The following NAA25 variants were observed in gnomAD, a reference collection of about 807,000 sequenced individuals.
NAA25 encodes the protein N-alpha-acetyltransferase 25, NatB auxiliary subunit.
In NAA25, 30 loss-of-function variants were observed where a neutral mutation model predicts 132.5. That is an observed-to-expected ratio of 0.23 (90% CI 0.17 to 0.31). The LOEUF (loss-of-function observed/expected upper bound fraction) is 0.31, where lower values mean the gene tolerates loss of function less well. NAA25 is among the 10% of genes least tolerant of loss of function. The pLI, the probability that NAA25 is intolerant of heterozygous loss-of-function variation, is 1.00. For synonymous variants in NAA25, 359 were observed against 401.9 expected (o/e 0.89, Z 1.28); for missense variants, 771 against 1,150.4 (o/e 0.67, Z 4.77).
At chr12:112,043,928 ATTTT>A (rs372332897) in intron 17 of NAA25, 60 bp from the exon 18 acceptor site, 123 of 1,309,402 alleles carry the variant, frequency 9.4e-5, no homozygotes, top group Middle Eastern at 2.3e-4. Flanking sequence ...ATTGCTTTCA[ATTTT>A]TTTTTTTTTT....
intron 1 of NAA25, among the ~76,000 whole-genome samples, chr12:112,105,252 G>C (rs915671248): frequency 2.0e-5 from 3 of 152,074 alleles, no homozygotes. Flanking sequence ...CTGGGAAGTG[G>C]AGGTTACAGT....
At chr12:112,100,016 C>A (rs970258569) in intron 1 of NAA25, among the ~76,000 whole-genome samples, 4 of 152,124 alleles carry the variant, frequency 2.6e-5, no homozygotes, top group Non-Finnish European at 4.4e-5. Flanking sequence ...GAATAGGAGC[C>A]TTGCTTTTAC....
intron 1 of NAA25, among the ~76,000 whole-genome samples, chr12:112,094,029 G>A (rs1308430791): frequency 6.6e-6 from 1 of 151,916 alleles, no homozygotes; most frequent in African/African-American, 2.4e-5. Flanking sequence ...CACGAAGTCA[G>A]GAGATCGAGA....
intron 13 of NAA25, among the ~76,000 whole-genome samples, chr12:112,056,922 G>A (rs1267754389): frequency 6.6e-6 from 1 of 152,194 alleles, no homozygotes; most frequent in Non-Finnish European, 1.5e-5. Flanking sequence ...GGGTGTGGTG[G>A]CTCACGCCTG....
chr12:112,036,795 T>A (rs2078228910), intron 22 of NAA25, among the ~76,000 whole-genome samples: 1 of 150,912 alleles, frequency 6.6e-6, no homozygotes, highest in South Asian at 2.1e-4. Flanking sequence ...TTGTAGTGAT[T>A]GCGCCATTGC....
At chr12:112,076,775 C>T (rs938493904) in intron 7 of NAA25, among the ~76,000 whole-genome samples, 2 of 151,634 alleles carry the variant, frequency 1.3e-5, no homozygotes, top group Admixed American at 6.6e-5. Context: ...GCAGGCAGAT[C>T]GCTTGAGACC....
rs781157997 is a variant in NAA25, at chr12:112,039,243, TTTC to T, written c.2632_2634del (p.Glu878del). 6.3e-7 allele frequency: 1 copy of T among 1,590,792 alleles called. No individual in the cohort carries two copies. Among genetic ancestry groups the T allele is most frequent in the Non-Finnish European group, 8.6e-7 (1 of 1,165,324 alleles). On this transcript the variant is annotated inframe_deletion, in exon 22 of 24. Coordinates refer to ENST00000261745, the MANE Select transcript of NAA25 (RefSeq NM_024953.4). ...ACTGTTATTACCATGATGATGCTGG[TTTC>T]TTTTTTCTTCTTTTTCTTTTTCTGT...
At chr12:112,083,695 T>C in intron 4 of NAA25, among the ~76,000 whole-genome samples, 1 of 152,120 alleles carries the variant, frequency 6.6e-6, no homozygotes, top group Admixed American at 6.6e-5. Flanking sequence ...CATTGATCCC[T>C]GGGAAGATTT....
chr12:112,061,832 G>C (rs1460632451), intron 11 of NAA25, among the ~76,000 whole-genome samples: 1 of 152,086 alleles, frequency 6.6e-6, no homozygotes, highest in Non-Finnish European at 1.5e-5. Context: ...TACATGGAAA[G>C]ATACTGTTTA....
intron 11 of NAA25, among the ~76,000 whole-genome samples, chr12:112,062,523 G>A (rs1005836697): frequency 6.6e-6 from 1 of 151,878 alleles, no homozygotes; most frequent in Non-Finnish European, 1.5e-5. Flanking sequence ...TCAGGGGTTC[G>A]AGACCTCCCT....
chr12:112,108,082 G>T (rs997994514), intron 1 of NAA25, among the ~76,000 whole-genome samples: 2 of 151,896 alleles, frequency 1.3e-5, no homozygotes, highest in Admixed American at 1.3e-4. Flanking sequence ...TCTCTTCACC[G>T]CTATTTTAGG....
chr12:112,032,152 G>A (rs1418457133), intron 23 of NAA25, among the ~76,000 whole-genome samples: 1 of 151,792 alleles, frequency 6.6e-6, no homozygotes, highest in Non-Finnish European at 1.5e-5. Flanking sequence ...TTTTTTAGTA[G>A]AGACAGCGTT....
chr12:112,029,754 A>G (rs1296284486), intron 23 of NAA25, 101 bp from the exon 24 acceptor site: 9 of 1,493,996 alleles, frequency 6.0e-6, no homozygotes, highest in Non-Finnish European at 8.1e-6. Context: ...CTTTGGTCTC[A>G]TTGCAAGCTC....
At chr12:112,088,384 T>C (rs901191389) in intron 3 of NAA25, among the ~76,000 whole-genome samples, 3 of 136,064 alleles carry the variant, frequency 2.2e-5, no homozygotes, top group African/African-American at 5.5e-5. Flanking sequence ...TGGAGTGCAA[T>C]GGCACAATCA....
chr12:112,107,969 C>T (rs1441178927), intron 1 of NAA25, among the ~76,000 whole-genome samples: 1 of 152,164 alleles, frequency 6.6e-6, no homozygotes, highest in Non-Finnish European at 1.5e-5. Context: ...GAGGGATCTG[C>T]TTAGCACAGG....
intron 7 of NAA25, among the ~76,000 whole-genome samples, 181 bp from the exon 8 acceptor site, chr12:112,075,970 C>T (rs1228184983): frequency 6.6e-6 from 1 of 152,148 alleles, no homozygotes; most frequent in African/African-American, 2.4e-5. Context: ...GCAACCTCCA[C>T]CTCCTGGATT....
In NAA25 at chr12:112,029,778, TG is replaced by T. The variant is rs201760993; in HGVS notation, c.2797-126del. 1,290 of 1,348,920 alleles carry T rather than the reference TG, an allele frequency of 9.6e-4. 9 individuals are homozygous for T. In the African/African-American group the frequency reaches 0.015, roughly 16 times the overall value. The allele number at this position is 1,348,920 out of a possible 1,614,324, so 83.6% of individuals were successfully genotyped here. On this transcript the variant is annotated intron_variant, in intron 23 of 23. Transcript: ENST00000261745. ...CATTGCAAGCTCCATCAGAACACAGTGGGTCATTTTCAATTGCATAAAATGC... is the reference window on the plus strand; with the variant it reads ...CATTGCAAGCTCCATCAGAACACAGTGGTCATTTTCAATTGCATAAAATGC...
rs1407949694 is a variant in NAA25 at position 112,033,373 on chromosome 12, C to G, written c.2656G>C (p.Val886Leu). 6 of 1,599,808 alleles carry G rather than the reference C, an allele frequency of 3.8e-6. No individual in the cohort carries two copies. Among genetic ancestry groups the G allele is most frequent in the Non-Finnish European group, 5.1e-6 (6 of 1,175,946 alleles). Residue 886 changes from valine to leucine, a missense_variant, in exon 23 of 24, where the codon GTC becomes CTC. Val to Leu is a conservative substitution (Grantham distance 32, BLOSUM62 1). This residue lies in a region of NAA25 where 324 missense variants were observed against 400.0 expected (regional missense o/e 0.81). Coordinates refer to ENST00000261745, the MANE Select transcript of NAA25 (RefSeq NM_024953.4). ...ACATAGTCTTGGAAACTGGTAAAGACAGGTGGCTGGGAAAAAGATTAAAAA... is the reference window on the plus strand; with the variant it reads ...ACATAGTCTTGGAAACTGGTAAAGAGAGGTGGCTGGGAAAAAGATTAAAAA... ...KKETSIIMPPVFTSFQDYVTG... is the reference protein window; with the variant it reads ...KKETSIIMPPLFTSFQDYVTG...
chr12:112,108,559 C>T (rs920513215), intron 1 of NAA25, among the ~76,000 whole-genome samples, 157 bp downstream of exon 1: 1 of 151,610 alleles, frequency 6.6e-6, no homozygotes, highest in Admixed American at 6.6e-5. Flanking sequence ...GGCGCCTACG[C>T]GAGGCCCGCG....
Sources: gnomAD v4.1 joint callset for allele counts (sites outside exome capture counted in the v4.1 genomes callset) on GRCh38, gnomAD v4.1.1 for gene constraint, gnomAD v4.1.1 regional missense constraint, MANE v1.5 for transcripts, NCBI Gene and HGNC (gene_info 2026-07-23, HGNC 2026-07-21) for gene names.